GPR141: variants seen among roughly 807,000 people sequenced by gnomAD.
GPR141 encodes probable G protein-coupled receptor 141.
GPR141 carries 6 observed loss-of-function variants against 6.8 expected under a neutral mutation model. That is an observed-to-expected ratio of 0.88 (90% CI 0.48 to 1.74). The LOEUF is 1.74. Ranked by LOEUF, GPR141 falls within the 40% of genes most tolerant of loss-of-function variation. The pLI is 0.01. For synonymous variants in GPR141, 140 were observed against 142.3 expected, an observed-to-expected ratio of 0.98 and a Z score of 0.11; for missense variants, 372 against 372.9, an observed-to-expected ratio of 1.00 and a Z score of 0.02.
chr7:37,716,671 GA>G (rs1393208130), intron 2 of GPR141, among the ~76,000 whole-genome samples: 2 of 152,202 alleles, frequency 1.3e-5, no homozygotes, highest in Non-Finnish European at 2.9e-5. Flanking sequence ...CTTGTTGGCT[GA>G]AAAATGGTAA....
intron 2 of GPR141, among the ~76,000 whole-genome samples, chr7:37,687,952 GC>G (rs1271351557): frequency 6.6e-6 from 1 of 152,102 alleles, no homozygotes; most frequent in Non-Finnish European, 1.5e-5. Flanking sequence ...GATTTTGTGA[GC>G]CAAACAATCT....
chr7:37,700,116 T>C (rs1260868155), intron 2 of GPR141, among the ~76,000 whole-genome samples: 1 of 152,228 alleles, frequency 6.6e-6, no homozygotes, highest in African/African-American at 2.4e-5. Flanking sequence ...ACTCACACTT[T>C]TTCCACTATA....
rs1175184819 is a variant in GPR141, at chr7:37,742,973, A to G, written c.*1662A>G. 6.6e-6 allele frequency among the ~76,000 whole-genome samples: 1 copy of G among 152,126 alleles called. No homozygotes were observed. The highest frequency in any genetic ancestry group is 1.5e-5 in the Non-Finnish European group (1 of 68,022). On this transcript the variant is annotated 3_prime_UTR_variant, in exon 3 of 3. Transcript: ENST00000334425. ...ACGTTAAACTGATTTTATTTCAAGAACTTCTGTTACTGGCTAGGTTGATAC... is the reference window on the plus strand; with the variant it reads ...ACGTTAAACTGATTTTATTTCAAGAGCTTCTGTTACTGGCTAGGTTGATAC...
At chr7:37,728,609 G>A (rs777928087) in intron 2 of GPR141, among the ~76,000 whole-genome samples, 3 of 152,094 alleles carry the variant, frequency 2.0e-5, no homozygotes, top group Non-Finnish European at 4.4e-5. Context: ...TGACATTGAT[G>A]TAGTCCTCAG....
chr7:37,738,298 G>T (rs376918011), intron 2 of GPR141, among the ~76,000 whole-genome samples: 1 of 152,186 alleles, frequency 6.6e-6, no homozygotes, highest in African/African-American at 2.4e-5. Context: ...ATAAGAAAGA[G>T]GACTTGGGAC....
chr7:37,699,417 C>T (rs1008067505), intron 2 of GPR141, among the ~76,000 whole-genome samples: 3 of 152,102 alleles, frequency 2.0e-5, no homozygotes, highest in Admixed American at 6.5e-5. Flanking sequence ...AAAAATTAGC[C>T]GGGCGTGGTG....
chr7:37,703,861 C>T (rs957820669), intron 2 of GPR141, among the ~76,000 whole-genome samples: 4 of 151,860 alleles, frequency 2.6e-5, no homozygotes, highest in Non-Finnish European at 4.4e-5. Flanking sequence ...CTTTCTGGTT[C>T]TATTAGTATA....
intron 2 of GPR141, among the ~76,000 whole-genome samples, chr7:37,708,322 A>AAC (rs1554341168): frequency 8.6e-5 from 13 of 151,218 alleles, no homozygotes; most frequent in South Asian, 2.1e-4. Flanking sequence ...AAAAAAAAAA[A>AAC]AAAAAAAAAA....
At chr7:37,685,825 G>A (rs368775933) in intron 2 of GPR141, among the ~76,000 whole-genome samples, 3,755 of 137,288 alleles carry the variant, frequency 0.027, 184 homozygotes, top group Admixed American at 0.12. Flanking sequence ...AAATCCAATT[G>A]TAGTTAAGGA....
At chr7:37,697,649 A>G (rs896999491) in intron 2 of GPR141, among the ~76,000 whole-genome samples, 1 of 152,196 alleles carries the variant, frequency 6.6e-6, no homozygotes, top group Non-Finnish European at 1.5e-5. Flanking sequence ...CTGAGTCTCA[A>G]TGTACAAATG....
rs975087991 is a variant in GPR141 at position 37,736,248 on chromosome 7, T to TA, written c.-14-4122dup. On this transcript the variant is annotated intron_variant, in intron 2 of 2. Transcript: ENST00000334425. ...GCCTGGGTGACAGAGCAAGACTCTT[T>TA]AAAAAAAAAAGAATATATGCAAATG... 1.7e-3 allele frequency among the ~76,000 whole-genome samples: 255 copies of TA among 146,552 alleles called. 1 individual carries two copies. The highest frequency in any genetic ancestry group is 5.9e-3 in the African/African-American group (235 of 40,022).
At chr7:37,717,951 T>A (rs1811127228) in intron 2 of GPR141, among the ~76,000 whole-genome samples, 1 of 152,224 alleles carries the variant, frequency 6.6e-6, no homozygotes, top group Admixed American at 6.5e-5. Context: ...TCCCCTGGTC[T>A]AATTGCCTTG....
intron 2 of GPR141, among the ~76,000 whole-genome samples, chr7:37,717,896 A>G (rs1016848880): frequency 2.6e-5 from 4 of 152,230 alleles, no homozygotes; most frequent in Admixed American, 6.5e-5. Flanking sequence ...GCTCATGAGT[A>G]TAATTGTTAA....
chr7:37,689,172 A>G (rs975722880), intron 2 of GPR141, among the ~76,000 whole-genome samples: 2 of 151,974 alleles, frequency 1.3e-5, no homozygotes, highest in African/African-American at 4.8e-5. Flanking sequence ...CTTTCATTCT[A>G]TTGATGTGAT....
At position 37,693,619 on chromosome 7, in the gene GPR141, C is replaced by T. The variant is rs74949210; in HGVS notation, c.-15+8036C>T. ...GGGATGGTGGGGCTTAGCAGCATCC[C>T]AGACTTGTGAGAGCAGGTACAGTGG... On this transcript the variant is annotated intron_variant, in intron 2 of 2. Transcript: ENST00000334425. 2.7e-3 allele frequency among the ~76,000 whole-genome samples: 409 copies of T among 152,166 alleles called. 2 individuals are homozygous for T. The highest frequency in any genetic ancestry group is 9.5e-3 in the African/African-American group (395 of 41,492).
chr7:37,691,676 A>T (rs77969282), intron 2 of GPR141, among the ~76,000 whole-genome samples: 2,722 of 151,556 alleles, frequency 0.018, 153 homozygotes, highest in Admixed American at 0.1. Flanking sequence ...TAGATGTAGG[A>T]CTCCCTTGAG....
chr7:37,698,984 AC>A (rs1158950367), intron 2 of GPR141, among the ~76,000 whole-genome samples: 1 of 152,176 alleles, frequency 6.6e-6, no homozygotes, highest in Non-Finnish European at 1.5e-5. Context: ...GATCTAGCTG[AC>A]TTTTAACCAC....
chr7:37,686,160 G>GC (rs1809501843), intron 2 of GPR141, among the ~76,000 whole-genome samples: 2 of 125,662 alleles, frequency 1.6e-5, no homozygotes, highest in Non-Finnish European at 3.3e-5. Context: ...CACCCTGCCT[G>GC]CCTTTTTTTT....
chr7:37,741,924 C>G lies in GPR141; in HGVS notation c.*613C>G, dbSNP rs1317184839. Among the ~76,000 whole-genome samples the G allele has an allele frequency of 2.0e-5, 3 of 152,150 alleles. No homozygotes were observed. The highest frequency in any genetic ancestry group is 7.2e-5 in the African/African-American group (3 of 41,440). On this transcript the variant is annotated 3_prime_UTR_variant, in exon 3 of 3. Coordinates refer to ENST00000334425, the MANE Select transcript of GPR141 (RefSeq NM_001381946.1). ...TGGCCTCCTGTTATAACAAGGGTTT[C>G]TAGATTTGTCCTGTGAAAGGTCGTT...
Sources: allele counts gnomAD v4.1 joint callset (sites outside exome capture counted in the v4.1 genomes callset), GRCh38; gene constraint gnomAD v4.1.1; transcripts MANE v1.5; gene names NCBI Gene and HGNC (gene_info 2026-07-23, HGNC 2026-07-21).